The following GALNTL6 variants were observed in gnomAD, a reference collection of about 807,000 sequenced individuals.
The protein encoded by GALNTL6 is polypeptide N-acetylgalactosaminyltransferase-like 6.
In GALNTL6, 46 loss-of-function variants were observed where a neutral mutation model predicts 73.7. That is an observed-to-expected ratio of 0.62 (90% CI 0.49 to 0.80). GALNTL6 has a LOEUF of 0.80. GALNTL6 is among the 30% of genes least tolerant of loss of function. The pLI is 0.00. For synonymous variants in GALNTL6, 259 were observed against 263.7 expected, an observed-to-expected ratio of 0.98 and a Z score of 0.17; for missense variants, 604 against 755.0, an observed-to-expected ratio of 0.80 and a Z score of 2.34.
chr4:172,984,300 T>C (rs1751198874), intron 10 of GALNTL6, among the ~76,000 whole-genome samples: 1 of 152,172 alleles, frequency 6.6e-6, no homozygotes, highest in Admixed American at 6.5e-5. Flanking sequence ...AAAGCAGCTC[T>C]TCACAGGGCA....
At chr4:172,813,749 G>A (rs780816366) in intron 7 of GALNTL6, 26 bp downstream of exon 7, 16 of 1,561,846 alleles carry the variant, frequency 1.0e-5, no homozygotes, top group East Asian at 4.6e-5. Flanking sequence ...GGGAGGGGCC[G>A]AGGGGGTGAG....
intron 5 of GALNTL6, among the ~76,000 whole-genome samples, chr4:172,432,427 G>T (rs1731488729): frequency 6.6e-6 from 1 of 151,820 alleles, no homozygotes; most frequent in South Asian, 2.1e-4. Flanking sequence ...AAAGAATAAA[G>T]ATTTTTCAGT....
intron 5 of GALNTL6, among the ~76,000 whole-genome samples, chr4:172,482,031 G>A (rs1440842859): frequency 2.0e-5 from 3 of 152,336 alleles, no homozygotes; most frequent in Middle Eastern, 3.4e-3. Context: ...GGAGGCAGCT[G>A]AGGCCAGGTG....
At chr4:172,405,332 T>C (rs2111331664) in intron 5 of GALNTL6, among the ~76,000 whole-genome samples, 1 of 147,330 alleles carries the variant, frequency 6.8e-6, no homozygotes, top group South Asian at 2.1e-4. Flanking sequence ...TATATAAGTA[T>C]ATATAAATAT....
intron 7 of GALNTL6, among the ~76,000 whole-genome samples, chr4:172,820,847 A>C (rs961609939): frequency 6.6e-6 from 1 of 152,216 alleles, no homozygotes; most frequent in African/African-American, 2.4e-5. Context: ...TCAGCCTCCA[A>C]CCACATAATT....
At chr4:172,772,069 G>A (rs1200593633) in intron 5 of GALNTL6, among the ~76,000 whole-genome samples, 4 of 137,374 alleles carry the variant, frequency 2.9e-5, no homozygotes, top group Non-Finnish European at 4.8e-5. Context: ...CAGCAGACAA[G>A]CAAAGAGAGG....
intron 10 of GALNTL6, among the ~76,000 whole-genome samples, chr4:172,993,693 T>C (rs938162509): frequency 6.6e-6 from 1 of 152,244 alleles, no homozygotes; most frequent in Non-Finnish European, 1.5e-5. Flanking sequence ...TGCTCTGTTA[T>C]CATTTTGTTT....
Position 172,316,923 on chromosome 4 carries a change from AG to A in GALNTL6, c.386+5172del, listed in dbSNP as rs151327825. Reference sequence around the variant, plus strand: ...TCCGCAGGCAAGCAGGTTCCAAAGCAGAAAAAAATGAAGAAGGAGCTGGCCA... The same window carrying A: ...TCCGCAGGCAAGCAGGTTCCAAAGCAAAAAAAATGAAGAAGGAGCTGGCCA... On this transcript the variant is annotated intron_variant, in intron 4 of 12. Transcript: ENST00000506823. 5.2e-3 allele frequency among the ~76,000 whole-genome samples: 787 copies of A among 152,330 alleles called. 9 individuals are homozygous for A. Among genetic ancestry groups the A allele is most frequent in the Admixed American group, 0.028 (432 of 15,304 alleles).
intron 2 of GALNTL6, among the ~76,000 whole-genome samples, chr4:172,158,266 T>C (rs1218764437): frequency 2.6e-5 from 4 of 152,184 alleles, no homozygotes; most frequent in African/African-American, 9.6e-5. Context: ...AATTTATGTG[T>C]CATGAAATTT....
intron 7 of GALNTL6, among the ~76,000 whole-genome samples, chr4:172,854,884 A>G (rs1001435156): frequency 6.6e-6 from 1 of 152,212 alleles, no homozygotes; most frequent in African/African-American, 2.4e-5. Context: ...CTTTCAGAAT[A>G]CCAGGACAGA....
intron 2 of GALNTL6, among the ~76,000 whole-genome samples, chr4:172,055,281 G>A (rs1034089075): frequency 2.7e-4 from 41 of 152,226 alleles, no homozygotes; most frequent in African/African-American, 9.4e-4. Flanking sequence ...AAAGAATCAG[G>A]CTATTTTAAG....
At chr4:172,825,767 G>T (rs143466876) in intron 7 of GALNTL6, among the ~76,000 whole-genome samples, 29 of 152,296 alleles carry the variant, frequency 1.9e-4, no homozygotes, top group Non-Finnish European at 3.1e-4. Flanking sequence ...GTAGGGGAAA[G>T]CTGTGCGTAG....
intron 5 of GALNTL6, among the ~76,000 whole-genome samples, chr4:172,466,520 G>C (rs1462257602): frequency 2.0e-5 from 3 of 152,182 alleles, no homozygotes; most frequent in Non-Finnish European, 4.4e-5. Flanking sequence ...TGAAGACAAA[G>C]ATTAGAAATA....
At chr4:172,773,263 G>A (rs564485457) in intron 5 of GALNTL6, among the ~76,000 whole-genome samples, 3 of 152,028 alleles carry the variant, frequency 2.0e-5, no homozygotes, top group Admixed American at 2.0e-4. Flanking sequence ...ACAGTGGCAC[G>A]ATCATAGCGT....
intron 2 of GALNTL6, among the ~76,000 whole-genome samples, chr4:171,960,847 G>C (rs1162356650): frequency 2.0e-5 from 3 of 151,922 alleles, no homozygotes; most frequent in African/African-American, 7.3e-5. Flanking sequence ...CATTAAGCTG[G>C]TGGTGTGAAT....
chr4:171,988,280 A>G (rs953542385), intron 2 of GALNTL6, among the ~76,000 whole-genome samples: 8 of 152,284 alleles, frequency 5.3e-5, no homozygotes, highest in Admixed American at 4.6e-4. Flanking sequence ...TGGGAGATTA[A>G]TCGGCCACAA....
chr4:172,300,121 G>A (rs1739855110), intron 3 of GALNTL6, among the ~76,000 whole-genome samples: 1 of 152,160 alleles, frequency 6.6e-6, no homozygotes, highest in Non-Finnish European at 1.5e-5. Flanking sequence ...TTACCATTAT[G>A]TAATGGCCTT....
At chr4:172,174,996 A>G (rs924062642) in intron 2 of GALNTL6, among the ~76,000 whole-genome samples, 2 of 152,202 alleles carry the variant, frequency 1.3e-5, no homozygotes, top group Non-Finnish European at 2.9e-5. Flanking sequence ...ATATTTGCAT[A>G]TACTTAACAT....
intron 12 of GALNTL6, among the ~76,000 whole-genome samples, chr4:173,023,531 C>T (rs1753104021): frequency 1.3e-5 from 2 of 152,148 alleles, no homozygotes; most frequent in Non-Finnish European, 1.5e-5. Context: ...TTGGTGCATG[C>T]CTATAGTCCC....
Sources: gnomAD v4.1 joint callset for allele counts (sites outside exome capture counted in the v4.1 genomes callset) on GRCh38, gnomAD v4.1.1 for gene constraint, MANE v1.5 for transcripts, NCBI Gene and HGNC (gene_info 2026-07-23, HGNC 2026-07-21) for gene names.